Variants in DYNC2I1 observed in about 807,000 individuals in gnomAD.
DYNC2I1 encodes the protein cytoplasmic dynein 2 intermediate chain 1.
A neutral mutation model predicts 133.4 loss-of-function variants in DYNC2I1; 89 were observed. The observed-to-expected ratio is 0.67, with a 90% CI of 0.56 to 0.80. The LOEUF is 0.80. Among genes scored for constraint, DYNC2I1 ranks in the 30% least tolerant of loss-of-function variants. The probability of loss-of-function intolerance (pLI) is 0.00; values close to 1 mark genes in which losing one functional copy is unlikely to be tolerated. For missense variants in DYNC2I1, 1,291 were observed against 1,314.5 expected (o/e 0.98, Z 0.28); for synonymous variants, 504 against 484.3 (o/e 1.04, Z -0.54).
chr7:158,878,625 TG>T (rs1843638220), intron 4 of DYNC2I1, among the ~76,000 whole-genome samples: 1 of 119,312 alleles, frequency 8.4e-6, no homozygotes, highest in Non-Finnish European at 1.7e-5. Context: ...GGGTGCCATG[TG>T]GGGAGGCCAG....
chr7:158,846,359 GAAGAT>G, the DYNC2I1 span, among the ~76,000 whole-genome samples: 1 of 152,082 alleles, frequency 6.6e-6, no homozygotes, highest in African/African-American at 2.4e-5. Context: ...TTTTTGGTAA[GAAGAT>G]AAAAGAAATT....
intron 3 of DYNC2I1, among the ~76,000 whole-genome samples, chr7:158,874,208 AATTT>A (rs1405599216): frequency 2.1e-4 from 31 of 146,540 alleles, no homozygotes; most frequent in Non-Finnish European, 3.9e-4. Flanking sequence ...TGGCCTAATT[AATTT>A]TTTTTTTTTT....
In DYNC2I1 at chr7:158,859,661, C is replaced by T. The variant is rs140070604; in HGVS notation, c.15+2911C>T. Among the ~76,000 whole-genome samples, 283 of 152,222 alleles carry T rather than the reference C, an allele frequency of 1.9e-3. 1 individual carries two copies. The highest frequency in any genetic ancestry group is 6.3e-3 in the African/African-American group (261 of 41,540). On this transcript the variant is annotated intron_variant, in intron 1 of 24. Transcript: ENST00000407559. ...GGGATTACAGATGTGTGTCATCACGCCCAGCTAATTTTTGTATTTTTAGCA... is the reference window on the plus strand; with the variant it reads ...GGGATTACAGATGTGTGTCATCACGTCCAGCTAATTTTTGTATTTTTAGCA...
chr7:158,844,434 G>C, the DYNC2I1 span, among the ~76,000 whole-genome samples: 20,158 of 151,972 alleles, frequency 0.13, 1,782 homozygotes, highest in East Asian at 0.44. Context: ...TTCCTTAAAG[G>C]GGGAGAGCGC....
chr7:158,911,348 C>A (rs1056730513), intron 11 of DYNC2I1, among the ~76,000 whole-genome samples: 4 of 152,100 alleles, frequency 2.6e-5, no homozygotes, highest in African/African-American at 9.7e-5. Flanking sequence ...CACCAAATGC[C>A]AAGGTCACAC....
intron 23 of DYNC2I1, among the ~76,000 whole-genome samples, chr7:158,939,915 A>G (rs1464795308): frequency 6.6e-6 from 1 of 152,236 alleles, no homozygotes; most frequent in Non-Finnish European, 1.5e-5. Context: ...CTATATAATG[A>G]TACAGGGGTC....
At chr7:158,932,467 T>A (rs1198864958) in intron 21 of DYNC2I1, among the ~76,000 whole-genome samples, 1 of 151,302 alleles carries the variant, frequency 6.6e-6, no homozygotes, top group Non-Finnish European at 1.5e-5. Flanking sequence ...TCTGCCGTGC[T>A]AAAGGGTGTG....
chr7:158,949,578 A>G (rs1851991783), downstream of DYNC2I1, among the ~76,000 whole-genome samples: 1 of 152,204 alleles, frequency 6.6e-6, no homozygotes, highest in Admixed American at 6.5e-5. Context: ...ATCGCACAGC[A>G]GCAAAGGTAG....
At chr7:158,874,727 A>C (rs1843195890) in intron 3 of DYNC2I1, among the ~76,000 whole-genome samples, 1 of 152,120 alleles carries the variant, frequency 6.6e-6, no homozygotes, top group Non-Finnish European at 1.5e-5. Flanking sequence ...TCATGGTTTT[A>C]AATACTGTTT....
chr7:158,874,897 C>A (rs1392629934), intron 3 of DYNC2I1, among the ~76,000 whole-genome samples: 1 of 152,138 alleles, frequency 6.6e-6, no homozygotes, highest in Non-Finnish European at 1.5e-5. Flanking sequence ...GTCCTGCAGG[C>A]TTGCCTGTCT....
intron 8 of DYNC2I1, among the ~76,000 whole-genome samples, chr7:158,891,850 C>T (rs1397485592): frequency 6.6e-6 from 1 of 152,044 alleles, no homozygotes; most frequent in Non-Finnish European, 1.5e-5. Flanking sequence ...CAGGTATCCT[C>T]ATATAAGGGA....
At chr7:158,942,409 A>G (rs1851465091) in intron 24 of DYNC2I1, among the ~76,000 whole-genome samples, 1 of 152,242 alleles carries the variant, frequency 6.6e-6, no homozygotes, top group Non-Finnish European at 1.5e-5. Context: ...GTGCGGTGCA[A>G]TCACGGGCCT....
the DYNC2I1 span, among the ~76,000 whole-genome samples, chr7:158,848,706 C>T: frequency 3.3e-5 from 5 of 152,172 alleles, no homozygotes; most frequent in East Asian, 1.9e-4. Context: ...GGGCGGATCA[C>T]GAGGTCAGGA....
Position 158,930,505 on chromosome 7 carries a change from T to C in DYNC2I1, c.2536T>C (p.Leu846=), listed in dbSNP as rs1850112027. The C allele has an allele frequency of 1.2e-6, 2 of 1,612,688 alleles. No homozygotes were observed. The highest frequency in any genetic ancestry group is 1.7e-6 in the Non-Finnish European group (2 of 1,179,512). The part of the protein sequence containing the change: ...VKLVHSALIQ[L]GDSLSHKGNE... Reference sequence around the variant, plus strand: ...GCTGGTACATAGTGCTCTGATCCAGTTGGGTGACAGGTAAGATGTGAGGGA... The same window carrying C: ...GCTGGTACATAGTGCTCTGATCCAGCTGGGTGACAGGTAAGATGTGAGGGA... The change falls in exon 21 of 25, where the codon TTG becomes CTG. Residue 846 remains leucine (L), a synonymous_variant. Transcript: ENST00000407559.
chr7:158,848,633 G>A, the DYNC2I1 span, among the ~76,000 whole-genome samples: 1 of 152,188 alleles, frequency 6.6e-6, no homozygotes, highest in East Asian at 1.9e-4. Context: ...ATCAAAAATT[G>A]GGTGGACCAG....
chr7:158,928,352 CAG>C (rs369925057), intron 20 of DYNC2I1, among the ~76,000 whole-genome samples: 3 of 152,100 alleles, frequency 2.0e-5, no homozygotes, highest in Non-Finnish European at 2.9e-5. Flanking sequence ...TTGCTTGAAT[CAG>C]GGGTGTTTTC....
At chr7:158,920,937 A>G (rs2129486388) in intron 15 of DYNC2I1, among the ~76,000 whole-genome samples, 1 of 152,264 alleles carries the variant, frequency 6.6e-6, no homozygotes, top group Middle Eastern at 3.4e-3. Flanking sequence ...ATCTCTATTA[A>G]AACACGCGGC....
the DYNC2I1 span, among the ~76,000 whole-genome samples, chr7:158,847,497 C>A: frequency 6.6e-6 from 1 of 152,096 alleles, no homozygotes; most frequent in South Asian, 2.1e-4. Context: ...TGTCGTCACC[C>A]TTCTTAAGGA....
chr7:158,912,309 G>T (rs144770519), intron 12 of DYNC2I1, among the ~76,000 whole-genome samples: 1 of 152,162 alleles, frequency 6.6e-6, no homozygotes, highest in Non-Finnish European at 1.5e-5. Context: ...GAAGTCAGAC[G>T]TCTTATCTAA....
Sources: gnomAD v4.1 joint callset for allele counts (sites outside exome capture counted in the v4.1 genomes callset) on GRCh38, gnomAD v4.1.1 for gene constraint, MANE v1.5 for transcripts, NCBI Gene and HGNC (gene_info 2026-07-23, HGNC 2026-07-21) for gene names.